Variants in ROBO1 observed in about 807,000 individuals in gnomAD.
The protein encoded by ROBO1 is roundabout guidance receptor 1, also known as roundabout homolog 1.
A neutral mutation model predicts 195.9 loss-of-function variants in ROBO1; 149 were observed. The ratio of observed to expected loss-of-function variants is 0.76; its 90% confidence interval spans 0.67 to 0.87. The LOEUF (loss-of-function observed/expected upper bound fraction) is 0.87, where lower values mean the gene tolerates loss of function less well. Ranked by LOEUF, ROBO1 falls within the 40% of genes least tolerant of loss-of-function variation. ROBO1 has a pLI of 0.00. For missense variants in ROBO1, 1,933 were observed against 2,068.3 expected, an observed-to-expected ratio of 0.93 and a Z score of 1.27; for synonymous variants, 816 against 733.2, an observed-to-expected ratio of 1.11 and a Z score of -1.82.
chr3:79,026,889 T>TA (rs1206710470), intron 3 of ROBO1, among the ~76,000 whole-genome samples: 1 of 152,090 alleles, frequency 6.6e-6, no homozygotes, highest in African/African-American at 2.4e-5. Context: ...TGTTTAATGC[T>TA]TTTGGTTTTT....
At position 78,706,639 on chromosome 3, in the gene ROBO1, G is replaced by A. The variant is rs572969849; in HGVS notation, c.1045+7758C>T. On this transcript the variant is annotated intron_variant, in intron 8 of 30. Coordinates refer to ENST00000464233, the MANE Select transcript of ROBO1 (RefSeq NM_002941.4). ...TTATAGGCGTGAACCATGACGCCCA[G>A]CTTTTGTAGGTACATTAATCTGTTG... Among the ~76,000 whole-genome samples the A allele has an allele frequency of 2.0e-5, 3 of 152,176 alleles. No homozygotes were observed. In the South Asian group the frequency reaches 6.2e-4, roughly 32 times the overall value.
At chr3:79,529,718 A>T (rs1014298635) in intron 2 of ROBO1, among the ~76,000 whole-genome samples, 28 of 152,186 alleles carry the variant, frequency 1.8e-4, no homozygotes, top group African/African-American at 6.3e-4. Flanking sequence ...GGAATTTTCC[A>T]TTTAATATTC....
chr3:79,701,757 A>G (rs1947628557), intron 1 of ROBO1, among the ~76,000 whole-genome samples: 1 of 151,786 alleles, frequency 6.6e-6, no homozygotes, highest in Admixed American at 6.6e-5. Context: ...AACATATGCA[A>G]TGTATTCTGA....
intron 3 of ROBO1, among the ~76,000 whole-genome samples, chr3:79,081,104 TC>T (rs1258188875): frequency 6.6e-6 from 1 of 151,998 alleles, no homozygotes; most frequent in Non-Finnish European, 1.5e-5. Context: ...GAAAACCCAT[TC>T]TTTTTTTATA....
At position 79,046,299 on chromosome 3, in the gene ROBO1, G is replaced by A. The variant is rs78381290; in HGVS notation, c.172+79157C>T. ...GAGGCCAGCTAATAGCCACCTGAGGGAGCTTGCAAAAGGGTCATCCCTCAG... is the reference window on the plus strand; with the variant it reads ...GAGGCCAGCTAATAGCCACCTGAGGAAGCTTGCAAAAGGGTCATCCCTCAG... On this transcript the variant is annotated intron_variant, in intron 3 of 30. Coordinates refer to ENST00000464233, the MANE Select transcript of ROBO1 (RefSeq NM_002941.4). Among the ~76,000 whole-genome samples, 22 of 152,138 alleles carry A rather than the reference G, an allele frequency of 1.4e-4. No individual in the cohort carries two copies. In the East Asian group the frequency reaches 4.3e-3, roughly 30 times the overall value.
rs201865516 is a variant in ROBO1, at chr3:79,009,679, G to GA, written c.173-70753_173-70752insT. 3.8e-3 allele frequency among the ~76,000 whole-genome samples: 574 copies of GA among 152,320 alleles called. 8 individuals carry two copies. Among genetic ancestry groups the GA allele is most frequent in the African/African-American group, 0.013 (535 of 41,578 alleles). Reference sequence around the variant, plus strand: ...ATTGGCAGGAATTATGTGAACCAATGCTAAAGTCTTTCTTTGTTTTCCATA... The same window carrying GA: ...ATTGGCAGGAATTATGTGAACCAATGACTAAAGTCTTTCTTTGTTTTCCATA... On this transcript the variant is annotated intron_variant, in intron 3 of 30. Coordinates refer to ENST00000464233, the MANE Select transcript of ROBO1 (RefSeq NM_002941.4).
rs377487255 is a variant in ROBO1 at position 79,303,159 on chromosome 3, GGT to G, written c.89-177622_89-177621del. Among the ~76,000 whole-genome samples the G allele has an allele frequency of 7.1e-4, 51 of 72,078 alleles. 3 individuals are homozygous for G. The highest frequency in any genetic ancestry group is 2.5e-3 in the African/African-American group (39 of 15,692). The allele number at this position is 72,078 out of a possible 152,430, so 47.3% of individuals were successfully genotyped here. On this transcript the variant is annotated intron_variant, in intron 2 of 30. Coordinates refer to ENST00000464233, the MANE Select transcript of ROBO1 (RefSeq NM_002941.4). ...ATTAATATATGAATTATCTCACATAGGTTTTTTTTTTTTTTTTTTTTTTTGGA... is the reference window on the plus strand; with the variant it reads ...ATTAATATATGAATTATCTCACATAGTTTTTTTTTTTTTTTTTTTTTTGGA...
chr3:79,301,937 G>A (rs564829540), intron 2 of ROBO1, among the ~76,000 whole-genome samples: 2 of 152,234 alleles, frequency 1.3e-5, no homozygotes, highest in South Asian at 2.1e-4. Flanking sequence ...CATGGACTAT[G>A]TCATCTCTCT....
intron 2 of ROBO1, among the ~76,000 whole-genome samples, chr3:79,303,637 T>C (rs1664201649): frequency 6.6e-6 from 1 of 152,196 alleles, no homozygotes; most frequent in Non-Finnish European, 1.5e-5. Context: ...AAAGAACATG[T>C]GGTATATAAA....
At chr3:79,436,300 A>T (rs1163577026) in intron 2 of ROBO1, among the ~76,000 whole-genome samples, 2 of 152,142 alleles carry the variant, frequency 1.3e-5, no homozygotes, top group African/African-American at 2.4e-5. Flanking sequence ...TAAAGGGTGG[A>T]CAAAACCTTT....
At chr3:79,701,740 T>G (rs1947627855) in intron 1 of ROBO1, among the ~76,000 whole-genome samples, 1 of 151,786 alleles carries the variant, frequency 6.6e-6, no homozygotes, top group Non-Finnish European at 1.5e-5. Context: ...AAGTGAGATG[T>G]ACATGTAACA....
intron 2 of ROBO1, among the ~76,000 whole-genome samples, chr3:79,259,686 T>C (rs1208609711): frequency 1.3e-5 from 2 of 152,112 alleles, no homozygotes; most frequent in Non-Finnish European, 2.9e-5. Flanking sequence ...AAGAGTTTAA[T>C]AACCAGAATA....
chr3:78,937,060 C>T (rs28611062), intron 4 of ROBO1, among the ~76,000 whole-genome samples: 18,086 of 151,990 alleles, frequency 0.12, 2,729 homozygotes, highest in African/African-American at 0.36. Context: ...AGTTTTAACA[C>T]AGTTTAAAAT....
At chr3:79,434,484 C>T (rs1024449007) in intron 2 of ROBO1, among the ~76,000 whole-genome samples, 1 of 152,078 alleles carries the variant, frequency 6.6e-6, no homozygotes, top group South Asian at 2.1e-4. Context: ...CATCACTGGC[C>T]ATCAGAGAAA....
intron 2 of ROBO1, among the ~76,000 whole-genome samples, chr3:79,215,246 T>G (rs1345047240): frequency 6.6e-6 from 1 of 152,064 alleles, no homozygotes; most frequent in East Asian, 1.9e-4. Flanking sequence ...TTAAATCATG[T>G]CTCTCATTAT....
Position 78,668,513 on chromosome 3 carries a change from G to A in ROBO1, c.1601C>T (p.Ala534Val). 6.2e-7 allele frequency: 1 copy of A among 1,613,818 alleles called. No individual in the cohort carries two copies. Among genetic ancestry groups the A allele is most frequent in the Non-Finnish European group, 8.5e-7 (1 of 1,179,820 alleles). The change falls in exon 12 of 31, where the codon GCA (alanine) becomes GTA (valine). Residue 534 changes from alanine (A) to valine (V), a missense_variant. Ala to Val is a moderately conservative substitution (Grantham distance 64, BLOSUM62 0). This residue lies in a region of ROBO1 where 1,737 missense variants were observed against 1,882.5 expected (regional missense o/e 0.92). Coordinates refer to ENST00000464233, the MANE Select transcript of ROBO1 (RefSeq NM_002941.4). ...TCIASTPSGE[A>V]TWSAYIEVQE... ...AACTTCAATGTAAGCACTCCATGTT[G>A]CTTCACCACTGGGGGTTGATGCAAT...
chr3:78,737,264 G>C (rs1025283084), intron 5 of ROBO1, among the ~76,000 whole-genome samples: 1 of 152,154 alleles, frequency 6.6e-6, no homozygotes, highest in Non-Finnish European at 1.5e-5. Flanking sequence ...TAGAAAGCTG[G>C]ATCTTCGTTC....
chr3:79,644,992 T>A (rs902269392), intron 1 of ROBO1, among the ~76,000 whole-genome samples: 2 of 151,964 alleles, frequency 1.3e-5, no homozygotes, highest in African/African-American at 4.8e-5. Flanking sequence ...AGAAGAAAAT[T>A]GAAAAGTTTT....
chr3:79,589,019 A>T (rs542435293), intron 2 of ROBO1, among the ~76,000 whole-genome samples: 1 of 151,776 alleles, frequency 6.6e-6, no homozygotes, highest in Non-Finnish European at 1.5e-5. Context: ...CATAACATAA[A>T]TACAGACAAA....
Sources: allele counts gnomAD v4.1 joint callset (sites outside exome capture counted in the v4.1 genomes callset), GRCh38; gene constraint gnomAD v4.1.1; regional missense constraint gnomAD v4.1.1; transcripts MANE v1.5; gene names NCBI Gene and HGNC (gene_info 2026-07-23, HGNC 2026-07-21).